The following KRTAP5-8 variants were observed in gnomAD, a reference collection of about 807,000 sequenced individuals.
KRTAP5-8 encodes keratin associated protein 5-8.
Under a neutral mutation model 2.7 loss-of-function variants are expected in KRTAP5-8, and 2 were observed. That is an observed-to-expected ratio of 0.75 (90% confidence interval 0.30 to 2.35). The LOEUF is 2.35. Ranked by LOEUF, KRTAP5-8 falls within the 30% of genes most tolerant of loss-of-function variation. KRTAP5-8 has a pLI of 0.12. For synonymous variants in KRTAP5-8, 62 were observed against 89.1 expected (o/e 0.70, Z 1.71); for missense variants, 183 against 227.2 (o/e 0.81, Z 1.25).
chr11:71,538,179 G>C lies in KRTAP5-8; in HGVS notation c.124G>C (p.Val42Leu), dbSNP rs1351621027. The change falls in exon 1 of 1, where the codon GTG (valine) becomes CTG (leucine). Residue 42 changes from valine (V) to leucine (L), a missense_variant. Physicochemically the swap from Val to Leu is conservative, Grantham distance 32. Coordinates refer to ENST00000398534, the MANE Select transcript of KRTAP5-8 (RefSeq NM_021046.3). ...ICCCKPVCCC[V>L]PACSCSSCGS... Reference sequence around the variant, plus strand: ...CTGCTGCAAGCCCGTGTGCTGCTGTGTGCCAGCCTGTTCCTGCTCCAGCTG... The same window carrying C: ...CTGCTGCAAGCCCGTGTGCTGCTGTCTGCCAGCCTGTTCCTGCTCCAGCTG... 1.9e-6 allele frequency: 3 copies of C among 1,612,294 alleles called. No homozygotes were observed. Among genetic ancestry groups the C allele is most frequent in the Middle Eastern group, 1.8e-4 (1 of 5,424 alleles).
rs564305643 is a variant in KRTAP5-8 at position 71,538,890 on chromosome 11, C to G, written c.*271C>G. ...TTCTCAGGGCTTCAAGATCCCACAT[C>G]CCTGGGCCCCTCCTGTGAGCCTGCT... On this transcript the variant is annotated 3_prime_UTR_variant, in exon 1 of 1. Transcript: ENST00000398534. 1.0e-5 allele frequency: 7 copies of G among 668,628 alleles called. No homozygotes were observed. Among genetic ancestry groups the G allele is most frequent in the Non-Finnish European group, 1.5e-5 (6 of 391,384 alleles). The allele number at this position is 668,628 out of a possible 1,614,324, so 41.4% of individuals were successfully genotyped here.
chr11:71,538,204 G>C lies in KRTAP5-8; in HGVS notation c.149G>C (p.Cys50Ser). Residue 50 changes from cysteine to serine, a missense_variant, in exon 1 of 1, where the codon TGT becomes TCT. Around this residue, in one of 2 missense-constraint regions of KRTAP5-8, gnomAD observed 113 missense variants for 109.3 expected, o/e 1.03. Coordinates refer to ENST00000398534, the MANE Select transcript of KRTAP5-8 (RefSeq NM_021046.3). ...GTGCCAGCCTGTTCCTGCTCCAGCT[G>C]TGGCTCCTGTGGGGGCTCCAAGGGG... ...CCVPACSCSS[C>S]GSCGGSKGGR... The C allele has an allele frequency of 6.2e-7, 1 of 1,612,990 alleles. No homozygotes were observed. Among genetic ancestry groups the C allele is most frequent in the Admixed American group, 1.7e-5 (1 of 59,986 alleles).
rs1320700899 is a variant in KRTAP5-8 at position 71,538,494 on chromosome 11, AGCTGCTGTAAGCCCT to A, written c.447_461del (p.Lys150_Cys154del). On this transcript the variant is annotated inframe_deletion, in exon 1 of 1. Transcript: ENST00000398534. ...CTGCAAGCCCTGCTGTTCCCAGTCCAGCTGCTGTAAGCCCTGCTGCTGCTCTTCAGGCTGTGGGTC... is the reference window on the plus strand; with the variant it reads ...CTGCAAGCCCTGCTGTTCCCAGTCCAGCTGCTGCTCTTCAGGCTGTGGGTC... The A allele has an allele frequency of 4.3e-6, 7 of 1,612,760 alleles. No homozygotes were observed. The African/African-American group carries it at 9.3e-5, about 22-fold the overall frequency.
rs1177191379 is a variant in KRTAP5-8 at position 71,538,270 on chromosome 11, C to T, written c.215C>T (p.Ser72Phe). 3 of 1,613,628 alleles carry T rather than the reference C, an allele frequency of 1.9e-6. No individual in the cohort carries two copies. Among genetic ancestry groups the T allele is most frequent in the Non-Finnish European group, 1.7e-6 (2 of 1,179,978 alleles). Residue 72 changes from serine (S) to phenylalanine (F), a missense_variant, in exon 1 of 1, where the codon TCC (serine) becomes TTC (phenylalanine). Coordinates refer to ENST00000398534, the MANE Select transcript of KRTAP5-8 (RefSeq NM_021046.3). ...SCGGSKGDCG[S>F]CGGSKGGCGS... ...GGGGGCTCCAAGGGGGACTGTGGCT[C>T]CTGTGGGGGCTCCAAGGGAGGCTGT...
chr11:71,538,943 G>A lies in KRTAP5-8; in HGVS notation c.*324G>A, dbSNP rs531971127. ...AAACACACTGAAACTGGAATCCTCC[G>A]ACCTGCTGCCGCCTCTCCCCGGTCC... is the stretch of plus-strand genomic sequence containing the variant. On this transcript the variant is annotated 3_prime_UTR_variant, in exon 1 of 1. Transcript: ENST00000398534. 3.5e-5 allele frequency: 19 copies of A among 543,394 alleles called. No homozygotes were observed. Among genetic ancestry groups the A allele is most frequent in the East Asian group, 3.5e-4 (10 of 28,616 alleles). The allele number at this position is 543,394 out of a possible 1,614,324, so 33.7% of individuals were successfully genotyped here.
Position 71,538,232 on chromosome 11 carries a change from C to T in KRTAP5-8, c.177C>T (p.Gly59=), listed in dbSNP as rs541819431. 2.4e-5 allele frequency: 38 copies of T among 1,613,032 alleles called. No individual in the cohort carries two copies. In the East Asian group the frequency reaches 7.4e-4, roughly 31 times the overall value. ...GCTCCTGTGGGGGCTCCAAGGGGGG[C>T]CGTGGCTCCTGTGGGGGCTCCAAGG... ...SCGSCGGSKG[G]RGSCGGSKGD... Residue 59 remains glycine (G), a synonymous_variant, in exon 1 of 1, where the codon GGC becomes GGT. Transcript: ENST00000398534.
chr11:71,538,264 G>A lies in KRTAP5-8; in HGVS notation c.209G>A (p.Cys70Tyr). The change falls in exon 1 of 1, where the codon TGT becomes TAT. Residue 70 changes from cysteine (C) to tyrosine (Y), a missense_variant. Cys to Tyr is a radical substitution (Grantham distance 194). This residue lies in a region of KRTAP5-8 where 113 missense variants were observed against 109.3 expected (regional missense o/e 1.03). Transcript: ENST00000398534. ...RGSCGGSKGD[C>Y]GSCGGSKGGC... ...TCCTGTGGGGGCTCCAAGGGGGACT[G>A]TGGCTCCTGTGGGGGCTCCAAGGGA... The A allele has an allele frequency of 6.2e-7, 1 of 1,613,594 alleles. No individual in the cohort carries two copies. Among genetic ancestry groups the A allele is most frequent in the Non-Finnish European group, 8.5e-7 (1 of 1,179,986 alleles).
chr11:71,538,960 C>A lies in KRTAP5-8; in HGVS notation c.*341C>A. 1 of 493,276 alleles carries A rather than the reference C, an allele frequency of 2.0e-6. No individual in the cohort carries two copies. The highest frequency in any genetic ancestry group is 2.4e-5 in the South Asian group (1 of 42,140). 30.6% of individuals were successfully genotyped at this position (493,276 alleles called of 1,614,324 possible). ...AATCCTCCGACCTGCTGCCGCCTCT[C>A]CCCGGTCCCTGCAACCTCCTGGCTC... On this transcript the variant is annotated 3_prime_UTR_variant, in exon 1 of 1. Transcript: ENST00000398534.
Position 71,538,118 on chromosome 11 carries a change from T to C in KRTAP5-8, c.63T>C (p.Cys21=). Reference sequence around the variant, plus strand: ...GCTGTGGGGGCTGCGGCTCTGGCTGTGGGGGATGTGGCTCTAGCTGCTGTG... The same window carrying C: ...GCTGTGGGGGCTGCGGCTCTGGCTGCGGGGGATGTGGCTCTAGCTGCTGTG... The part of the protein sequence containing the change: ...GSGCGGCGSG[C]GGCGSSCCVP... Residue 21 remains cysteine (C), a synonymous_variant, in exon 1 of 1, where the codon TGT becomes TGC. Transcript: ENST00000398534. 7 of 1,611,252 alleles carry C rather than the reference T, an allele frequency of 4.3e-6. No individual in the cohort carries two copies. The highest frequency in any genetic ancestry group is 5.9e-6 in the Non-Finnish European group (7 of 1,179,216).
At position 71,538,358 on chromosome 11, in the gene KRTAP5-8, G is replaced by T. The variant is rs1319857907; in HGVS notation, c.303G>T (p.Gly101=). Residue 101 remains glycine (G), a synonymous_variant, in exon 1 of 1, where the codon GGG becomes GGT. Transcript: ENST00000398534. ...CCTGCTGTTGCTCCTCAGGCTGTGG[G>T]TCATCCTGCTGCCAGTCCAGCTGCT... ...YKPCCCSSGC[G]SSCCQSSCCK... 9.4e-6 allele frequency: 15 copies of T among 1,602,386 alleles called. No homozygotes were observed. Among genetic ancestry groups the T allele is most frequent in the African/African-American group, 1.3e-5 (1 of 74,302 alleles).
chr11:71,538,803 G>C lies in KRTAP5-8; in HGVS notation c.*184G>C. The C allele has an allele frequency of 7.9e-7, 1 of 1,260,212 alleles. No homozygotes were observed. Among genetic ancestry groups the C allele is most frequent in the Non-Finnish European group, 1.1e-6 (1 of 905,834 alleles). The allele number at this position is 1,260,212 out of a possible 1,614,324, so 78.1% of individuals were successfully genotyped here. ...AGGTCATGAGGGCTTCTGGCATGCT[G>C]GGTGCTGCCCATCAACCCTCCCAGA... On this transcript the variant is annotated 3_prime_UTR_variant, in exon 1 of 1. Transcript: ENST00000398534.
At position 71,538,501 on chromosome 11, in the gene KRTAP5-8, G is replaced by C; in HGVS notation, c.446G>C (p.Cys149Ser). Residue 149 changes from cysteine to serine, a missense_variant, in exon 1 of 1, where the codon TGT becomes TCT. This residue lies in a region of KRTAP5-8 where 70 missense variants were observed against 117.9 expected (regional missense o/e 0.59). Transcript: ENST00000398534. ...CKPCCSQSSC[C>S]KPCCCSSGCG... The stretch of plus-strand genomic sequence containing the variant: ...CCCTGCTGTTCCCAGTCCAGCTGCT[G>C]TAAGCCCTGCTGCTGCTCTTCAGGC... 1.2e-6 allele frequency: 2 copies of C among 1,610,010 alleles called. No individual in the cohort carries two copies. Among genetic ancestry groups the C allele is most frequent in the South Asian group, 1.1e-5 (1 of 90,818 alleles).
Position 71,538,231 on chromosome 11 carries a change from G to A in KRTAP5-8, c.176G>A (p.Gly59Asp), listed in dbSNP as rs574501468. The change falls in exon 1 of 1, where the codon GGC becomes GAC. Residue 59 changes from glycine to aspartate, a missense_variant. Gly to Asp is a moderately conservative substitution (Grantham distance 94). This residue lies in a region of KRTAP5-8 where 113 missense variants were observed against 109.3 expected (regional missense o/e 1.03). Transcript: ENST00000398534. ...SCGSCGGSKG[G>D]RGSCGGSKGD... is the part of the protein sequence containing the mutation. The stretch of plus-strand genomic sequence containing the variant: ...GGCTCCTGTGGGGGCTCCAAGGGGG[G>A]CCGTGGCTCCTGTGGGGGCTCCAAG... The A allele has an allele frequency of 2.5e-6, 4 of 1,612,954 alleles. No homozygotes were observed. Among genetic ancestry groups the A allele is most frequent in the East Asian group, 4.5e-5 (2 of 44,848 alleles).
Position 71,538,502 on chromosome 11 carries a change from T to C in KRTAP5-8, c.447T>C (p.Cys149=). 1 of 1,613,152 alleles carries C rather than the reference T, an allele frequency of 6.2e-7. No individual in the cohort carries two copies. ...CKPCCSQSSC[C]KPCCCSSGCG... The stretch of plus-strand genomic sequence containing the variant: ...CCTGCTGTTCCCAGTCCAGCTGCTG[T>C]AAGCCCTGCTGCTGCTCTTCAGGCT... The change falls in exon 1 of 1, where the codon TGT becomes TGC. Residue 149 remains cysteine (C), a synonymous_variant. Transcript: ENST00000398534.
At position 71,538,243 on chromosome 11, in the gene KRTAP5-8, G is replaced by A; in HGVS notation, c.188G>A (p.Cys63Tyr). The A allele has an allele frequency of 6.2e-7, 1 of 1,613,188 alleles. No homozygotes were observed. Among genetic ancestry groups the A allele is most frequent in the Non-Finnish European group, 8.5e-7 (1 of 1,179,904 alleles). Residue 63 changes from cysteine (C) to tyrosine (Y), a missense_variant, in exon 1 of 1, where the codon TGT becomes TAT. By Grantham distance (194) the Cys-to-Tyr change is radical (BLOSUM62 -2). Transcript: ENST00000398534. Reference protein sequence around the residue: ...CGGSKGGRGSCGGSKGDCGSC... With the variant: ...CGGSKGGRGSYGGSKGDCGSC... ...GGCTCCAAGGGGGGCCGTGGCTCCTGTGGGGGCTCCAAGGGGGACTGTGGC... is the reference window on the plus strand; with the variant it reads ...GGCTCCAAGGGGGGCCGTGGCTCCTATGGGGGCTCCAAGGGGGACTGTGGC...
chr11:71,539,059 G>A lies in KRTAP5-8; in HGVS notation c.*440G>A, dbSNP rs1194260548. ...TTTTGGAGTTGACCTAGAGGACTCA[G>A]AATTATTAGAGACCCCAGGATCCTC... On this transcript the variant is annotated 3_prime_UTR_variant, in exon 1 of 1. Coordinates refer to ENST00000398534, the MANE Select transcript of KRTAP5-8 (RefSeq NM_021046.3). 2.2e-5 allele frequency: 6 copies of A among 275,962 alleles called. No individual in the cohort carries two copies. Among genetic ancestry groups the A allele is most frequent in the Non-Finnish European group, 2.2e-5 (3 of 136,550 alleles). The allele number at this position is 275,962 out of a possible 1,614,324, so 17.1% of individuals were successfully genotyped here. A position where few individuals can be genotyped will look rare whatever the true frequency, so the allele number is the denominator to read the frequency against.
chr11:71,538,129 G>A lies in KRTAP5-8; in HGVS notation c.74G>A (p.Gly25Asp). ...GGCGSGCGGC[G>D]SSCCVPICCC... ...TGCGGCTCTGGCTGTGGGGGATGTG[G>A]CTCTAGCTGCTGTGTGCCCATCTGC... Residue 25 changes from glycine (G) to aspartate (D), a missense_variant, in exon 1 of 1, where the codon GGC becomes GAC. By Grantham distance (94) the Gly-to-Asp change is moderately conservative. Around this residue, in one of 2 missense-constraint regions of KRTAP5-8, gnomAD observed 113 missense variants for 109.3 expected, o/e 1.03. Coordinates refer to ENST00000398534, the MANE Select transcript of KRTAP5-8 (RefSeq NM_021046.3). The A allele has an allele frequency of 1.2e-6, 2 of 1,611,754 alleles. No homozygotes were observed. Among genetic ancestry groups the A allele is most frequent in the South Asian group, 2.2e-5 (2 of 90,928 alleles).
chr11:71,538,201 G>A lies in KRTAP5-8; in HGVS notation c.146G>A (p.Ser49Asn). 1 of 1,613,270 alleles carries A rather than the reference G, an allele frequency of 6.2e-7. No homozygotes were observed. Among genetic ancestry groups the A allele is most frequent in the South Asian group, 1.1e-5 (1 of 91,010 alleles). The change falls in exon 1 of 1, where the codon AGC (serine) becomes AAC (asparagine). Residue 49 changes from serine to asparagine, a missense_variant. Transcript: ENST00000398534. ...TGTGTGCCAGCCTGTTCCTGCTCCAGCTGTGGCTCCTGTGGGGGCTCCAAG... is the reference window on the plus strand; with the variant it reads ...TGTGTGCCAGCCTGTTCCTGCTCCAACTGTGGCTCCTGTGGGGGCTCCAAG... ...CCCVPACSCSSCGSCGGSKGG... is the reference protein window; with the variant it reads ...CCCVPACSCSNCGSCGGSKGG...
rs539026928 is a variant in KRTAP5-8, at chr11:71,539,012, G to C, written c.*393G>C. On this transcript the variant is annotated 3_prime_UTR_variant, in exon 1 of 1. Coordinates refer to ENST00000398534, the MANE Select transcript of KRTAP5-8 (RefSeq NM_021046.3). ...TCCACCCTTCATCTTCATCCTGCCT[G>C]AGCTGCCACAGCTCCGATTGTTTTT... The C allele has an allele frequency of 4.4e-5, 16 of 366,224 alleles. No homozygotes were observed. The Admixed American group carries it at 5.4e-4, about 12-fold the overall frequency. 22.7% of individuals were successfully genotyped at this position (366,224 alleles called of 1,614,324 possible).
Sources: gnomAD v4.1 joint callset for allele counts on GRCh38, gnomAD v4.1.1 for gene constraint, gnomAD v4.1.1 regional missense constraint, MANE v1.5 for transcripts, NCBI Gene and HGNC (gene_info 2026-07-23, HGNC 2026-07-21) for gene names.